PTPRD: variants seen among roughly 807,000 people sequenced by gnomAD.
PTPRD encodes protein tyrosine phosphatase receptor type D.
Under a neutral mutation model 214.5 loss-of-function variants are expected in PTPRD, and 34 were observed. The observed-to-expected ratio is 0.16, with a 90% confidence interval of 0.12 to 0.21. The LOEUF (loss-of-function observed/expected upper bound fraction) is 0.21. Ranked by LOEUF, PTPRD falls within the 10% of genes least tolerant of loss-of-function variation. The pLI is 1.00. For missense variants in PTPRD, 2,545 were observed against 2,398.7 expected (o/e 1.06, Z -1.27); for synonymous variants, 1,128 against 845.7 (o/e 1.33, Z -5.79).
intron 12 of PTPRD, among the ~76,000 whole-genome samples, chr9:8,676,206 C>T (rs1238530576): frequency 6.6e-6 from 1 of 152,084 alleles, no homozygotes; most frequent in East Asian, 1.9e-4. Context: ...CTTTAAGCAT[C>T]ACCTTCTTCA....
chr9:10,070,973 T>C (rs1252693640), intron 3 of PTPRD, among the ~76,000 whole-genome samples: 2 of 152,020 alleles, frequency 1.3e-5, no homozygotes, highest in East Asian at 3.9e-4. Context: ...CTTTCTTCCA[T>C]ATGAGAAATG....
intron 11 of PTPRD, among the ~76,000 whole-genome samples, chr9:8,755,425 A>G (rs1356963870): frequency 6.6e-6 from 1 of 150,618 alleles, no homozygotes; most frequent in Non-Finnish European, 1.5e-5. Flanking sequence ...GCTACTCAGG[A>G]GGCTGAGGCA....
intron 5 of PTPRD, among the ~76,000 whole-genome samples, chr9:9,869,555 G>C (rs1565895380): frequency 6.6e-6 from 1 of 151,954 alleles, no homozygotes; most frequent in Non-Finnish European, 1.5e-5. Context: ...TATGTTTCCT[G>C]ACGGGATATA....
At chr9:10,547,084 T>C (rs1310817359) in intron 2 of PTPRD, among the ~76,000 whole-genome samples, 2 of 152,052 alleles carry the variant, frequency 1.3e-5, no homozygotes, top group African/African-American at 2.4e-5. Context: ...TCTCTAAGTG[T>C]AGGCTAACAA....
At chr9:10,482,462 A>G (rs1356312220) in intron 2 of PTPRD, among the ~76,000 whole-genome samples, 3 of 151,996 alleles carry the variant, frequency 2.0e-5, no homozygotes, top group Non-Finnish European at 4.4e-5. Context: ...GGGCATTCAA[A>G]TTGGAAAAGT....
chr9:8,390,859 G>A (rs2089291706), intron 36 of PTPRD, among the ~76,000 whole-genome samples: 1 of 152,178 alleles, frequency 6.6e-6, no homozygotes, highest in African/African-American at 2.4e-5. Context: ...CTGCCTGTGA[G>A]AAGAAGAGAG....
At chr9:9,059,411 C>T (rs2099703130) in intron 10 of PTPRD, among the ~76,000 whole-genome samples, 1 of 152,018 alleles carries the variant, frequency 6.6e-6, no homozygotes, top group African/African-American at 2.4e-5. Flanking sequence ...AGGCAGAGGC[C>T]AGTTCAGGTT....
At chr9:8,986,073 C>G (rs1157438020) in intron 11 of PTPRD, among the ~76,000 whole-genome samples, 1 of 151,924 alleles carries the variant, frequency 6.6e-6, no homozygotes, top group Non-Finnish European at 1.5e-5. Flanking sequence ...CTTGGAAGGA[C>G]CTTGATAATT....
At chr9:9,137,360 A>C (rs2099852527) in intron 10 of PTPRD, among the ~76,000 whole-genome samples, 1 of 152,124 alleles carries the variant, frequency 6.6e-6, no homozygotes, top group South Asian at 2.1e-4. Context: ...TGAAAACCTT[A>C]ATTGAGTAGA....
intron 5 of PTPRD, among the ~76,000 whole-genome samples, chr9:9,811,957 C>G (rs563584188): frequency 3.3e-5 from 5 of 152,070 alleles, no homozygotes; most frequent in African/African-American, 4.8e-5. Flanking sequence ...GCAAACTTTA[C>G]TGTTATCTTA....
intron 4 of PTPRD, among the ~76,000 whole-genome samples, chr9:10,015,143 G>C (rs1334440179): frequency 6.6e-6 from 1 of 152,020 alleles, no homozygotes. Flanking sequence ...AGTTTCAATT[G>C]GATTTTATAG....
intron 8 of PTPRD, among the ~76,000 whole-genome samples, chr9:9,527,892 A>C (rs1188554625): frequency 1.3e-5 from 2 of 152,202 alleles, no homozygotes; most frequent in African/African-American, 4.8e-5. Flanking sequence ...TGTAATAACA[A>C]AGACTCTTCT....
At chr9:10,085,537 T>C (rs2098322116) in intron 3 of PTPRD, among the ~76,000 whole-genome samples, 1 of 151,732 alleles carries the variant, frequency 6.6e-6, no homozygotes, top group Non-Finnish European at 1.5e-5. Flanking sequence ...CAATATGTCA[T>C]AAGAGATGTA....
At chr9:9,046,172 G>A (rs1399154102) in intron 10 of PTPRD, among the ~76,000 whole-genome samples, 2 of 152,204 alleles carry the variant, frequency 1.3e-5, no homozygotes, top group East Asian at 3.9e-4. Context: ...CTTTCTAATT[G>A]CTTGAATGCA....
At chr9:9,976,809 A>C (rs973521268) in intron 4 of PTPRD, among the ~76,000 whole-genome samples, 5 of 151,416 alleles carry the variant, frequency 3.3e-5, no homozygotes, top group African/African-American at 1.2e-4. Flanking sequence ...GTCTTCTTAG[A>C]CAGTTCACTC....
At chr9:10,473,901 T>C (rs959104032) in intron 2 of PTPRD, among the ~76,000 whole-genome samples, 2 of 152,068 alleles carry the variant, frequency 1.3e-5, no homozygotes, top group Non-Finnish European at 1.5e-5. Context: ...TATTTCATTT[T>C]ATATTAGATT....
rs546308327 is a variant in PTPRD, at chr9:9,731,461, G to C, written c.-287+3072C>G. On this transcript the variant is annotated intron_variant, in intron 7 of 45. Transcript: ENST00000381196. The stretch of plus-strand genomic sequence containing the variant: ...AGCAATTCTAGAAATGGAAATTTAA[G>C]GTTTTTTTTTAATTATACTTTAAGT... Among the ~76,000 whole-genome samples, 362 of 92,830 alleles carry C rather than the reference G, an allele frequency of 3.9e-3. 1 individual carries two copies. The highest frequency in any genetic ancestry group is 0.028 in the African/African-American group (341 of 12,272). The allele number at this position is 92,830 out of a possible 152,430, so 60.9% of individuals were successfully genotyped here.
At chr9:9,350,275 A>G (rs563896624) in intron 9 of PTPRD, among the ~76,000 whole-genome samples, 2 of 152,250 alleles carry the variant, frequency 1.3e-5, no homozygotes, top group African/African-American at 4.8e-5. Context: ...TACAATTAGA[A>G]AGCTCAGAAG....
At chr9:10,024,184 T>G (rs1308618583) in intron 4 of PTPRD, among the ~76,000 whole-genome samples, 1 of 152,168 alleles carries the variant, frequency 6.6e-6, no homozygotes, top group East Asian at 1.9e-4. Flanking sequence ...ATGATAAGCA[T>G]TTTTATCCTT....
Sources: allele counts gnomAD v4.1 joint callset (sites outside exome capture counted in the v4.1 genomes callset), GRCh38; gene constraint gnomAD v4.1.1; transcripts MANE v1.5; gene names NCBI Gene and HGNC (gene_info 2026-07-23, HGNC 2026-07-21).